The following FBXL7 variants were observed in gnomAD, a reference collection of about 807,000 sequenced individuals.
FBXL7 encodes F-box and leucine rich repeat protein 7.
FBXL7 carries 12 observed loss-of-function variants against 38.3 expected under a neutral mutation model. The observed-to-expected ratio is 0.31, with a 90% CI of 0.20 to 0.51. The LOEUF is 0.51. FBXL7 is among the 20% of genes least tolerant of loss of function. The probability of loss-of-function intolerance (pLI) is 0.98; values close to 1 mark genes in which losing one functional copy is unlikely to be tolerated. For missense variants in FBXL7, 567 were observed against 676.4 expected (o/e 0.84, Z 1.79); for synonymous variants, 297 against 300.9 (o/e 0.99, Z 0.13).
At chr5:15,537,729 G>C (rs1446261302) in intron 1 of FBXL7, among the ~76,000 whole-genome samples, 3 of 152,382 alleles carry the variant, frequency 2.0e-5, no homozygotes, top group South Asian at 4.1e-4. Flanking sequence ...GCAAAGGAGA[G>C]AGTGTGTGGC....
intron 2 of FBXL7, among the ~76,000 whole-genome samples, chr5:15,714,554 C>T (rs1445757710): frequency 6.6e-6 from 1 of 152,134 alleles, no homozygotes; most frequent in Non-Finnish European, 1.5e-5. Flanking sequence ...TCACAAGGGT[C>T]CTTGTAAGAG....
intron 1 of FBXL7, among the ~76,000 whole-genome samples, chr5:15,596,747 T>C (rs1739636208): frequency 6.6e-6 from 1 of 152,154 alleles, no homozygotes. Flanking sequence ...ATCATGCCTA[T>C]GTAATGAAGC....
chr5:15,505,470 A>T (rs80049297), intron 1 of FBXL7, among the ~76,000 whole-genome samples: 1 of 152,152 alleles, frequency 6.6e-6, no homozygotes, highest in African/African-American at 2.4e-5. Flanking sequence ...GATTCTTAGG[A>T]TAAGTCAGTA....
intron 2 of FBXL7, among the ~76,000 whole-genome samples, chr5:15,849,611 G>C (rs1384801258): frequency 6.6e-6 from 1 of 152,122 alleles, no homozygotes; most frequent in Non-Finnish European, 1.5e-5. Flanking sequence ...TGAGTGTGAG[G>C]CCTCCCCAGC....
intron 2 of FBXL7, among the ~76,000 whole-genome samples, chr5:15,653,562 G>C (rs1476623575): frequency 6.6e-6 from 1 of 152,068 alleles, no homozygotes; most frequent in Non-Finnish European, 1.5e-5. Flanking sequence ...ATTTATCAAG[G>C]TAGCTACTAG....
chr5:15,560,449 G>A (rs938761039), intron 1 of FBXL7, among the ~76,000 whole-genome samples: 1 of 152,162 alleles, frequency 6.6e-6, no homozygotes, highest in Non-Finnish European at 1.5e-5. Context: ...AACTACAAAT[G>A]GTTCCAAATT....
At chr5:15,874,651 C>T (rs190713803) in intron 2 of FBXL7, among the ~76,000 whole-genome samples, 1 of 152,266 alleles carries the variant, frequency 6.6e-6, no homozygotes, top group African/African-American at 2.4e-5. Context: ...CATGAGCAAA[C>T]TCCCATTCAC....
intron 2 of FBXL7, among the ~76,000 whole-genome samples, chr5:15,808,947 A>T (rs73054447): frequency 0.031 from 4,734 of 152,248 alleles, 253 homozygotes; most frequent in African/African-American, 0.11. Context: ...AAGACAACTG[A>T]CTATTATTTT....
intron 2 of FBXL7, among the ~76,000 whole-genome samples, chr5:15,703,546 C>T (rs1249576071): frequency 6.6e-6 from 1 of 152,086 alleles, no homozygotes; most frequent in Non-Finnish European, 1.5e-5. Context: ...CATAAAACAA[C>T]TTGGATCTGA....
At chr5:15,700,747 T>C (rs528822473) in intron 2 of FBXL7, among the ~76,000 whole-genome samples, 1 of 152,346 alleles carries the variant, frequency 6.6e-6, no homozygotes, top group Admixed American at 6.5e-5. Context: ...GGATAATTTA[T>C]GGTCAATTCT....
At chr5:15,667,904 T>C (rs1742338773) in intron 2 of FBXL7, among the ~76,000 whole-genome samples, 1 of 152,210 alleles carries the variant, frequency 6.6e-6, no homozygotes, top group Admixed American at 6.5e-5. Flanking sequence ...TGTAGTTGTG[T>C]GGCCTTGAAT....
intron 1 of FBXL7, among the ~76,000 whole-genome samples, chr5:15,536,249 G>A (rs902264432): frequency 2.8e-4 from 43 of 152,244 alleles, no homozygotes; most frequent in Non-Finnish European, 2.9e-5. Flanking sequence ...GAAATGTGGG[G>A]TTGGAGACTG....
chr5:15,904,506 A>C (rs990522459), intron 2 of FBXL7, among the ~76,000 whole-genome samples: 4 of 152,292 alleles, frequency 2.6e-5, no homozygotes, highest in African/African-American at 7.2e-5. Context: ...GTCTTTACAC[A>C]ATTCGAATCA....
intron 2 of FBXL7, among the ~76,000 whole-genome samples, chr5:15,737,499 A>G (rs984272107): frequency 1.3e-5 from 2 of 152,208 alleles, no homozygotes; most frequent in African/African-American, 2.4e-5. Context: ...TTTACTCCAT[A>G]AAGAGTGTCA....
At chr5:15,801,832 C>T (rs1027370023) in intron 2 of FBXL7, among the ~76,000 whole-genome samples, 6 of 148,790 alleles carry the variant, frequency 4.0e-5, no homozygotes, top group South Asian at 2.2e-4. Flanking sequence ...TTCCATATTT[C>T]GGGGGGGGCG....
At chr5:15,758,966 C>T (rs2079544449) in intron 2 of FBXL7, among the ~76,000 whole-genome samples, 1 of 152,138 alleles carries the variant, frequency 6.6e-6, no homozygotes, top group Non-Finnish European at 1.5e-5. Context: ...CTTTAAAATA[C>T]ATGTCTTTAG....
chr5:15,521,199 G>A (rs1439963940), intron 1 of FBXL7, among the ~76,000 whole-genome samples: 2 of 152,176 alleles, frequency 1.3e-5, no homozygotes, highest in Non-Finnish European at 2.9e-5. Flanking sequence ...AAGAGTTGTC[G>A]GGGGGTGAAA....
chr5:15,922,459 T>G (rs1215214105), intron 2 of FBXL7, among the ~76,000 whole-genome samples: 6 of 152,198 alleles, frequency 3.9e-5, no homozygotes, highest in Non-Finnish European at 8.8e-5. Context: ...TGCTCCTTGG[T>G]GATAAGGATT....
intron 1 of FBXL7, among the ~76,000 whole-genome samples, chr5:15,570,459 C>T (rs1254108150): frequency 6.6e-6 from 1 of 152,052 alleles, no homozygotes; most frequent in African/African-American, 2.4e-5. Flanking sequence ...CTTTTTATTG[C>T]GTCTATTTGA....
Sources: gnomAD v4.1 joint callset for allele counts (sites outside exome capture counted in the v4.1 genomes callset) on GRCh38, gnomAD v4.1.1 for gene constraint, MANE v1.5 for transcripts, NCBI Gene and HGNC (gene_info 2026-07-23, HGNC 2026-07-21) for gene names.